The following CNTNAP2 variants were observed in gnomAD, a reference collection of about 807,000 sequenced individuals.
CNTNAP2 encodes the protein contactin-associated protein-like 2.
A neutral mutation model predicts 155.2 loss-of-function variants in CNTNAP2; 98 were observed. That is an observed-to-expected ratio of 0.63 (90% CI 0.54 to 0.75). The LOEUF (loss-of-function observed/expected upper bound fraction) is 0.75. Among genes scored for constraint, CNTNAP2 ranks in the 30% least tolerant of loss-of-function variants. The pLI is 0.00. For synonymous variants in CNTNAP2, 651 were observed against 631.2 expected, an observed-to-expected ratio of 1.03 and a Z score of -0.47; for missense variants, 1,727 against 1,688.1, an observed-to-expected ratio of 1.02 and a Z score of -0.40.
intron 3 of CNTNAP2, among the ~76,000 whole-genome samples, chr7:146,854,629 A>G (rs371460012): frequency 6.6e-6 from 1 of 152,172 alleles, no homozygotes; most frequent in South Asian, 2.1e-4. Context: ...TAAATTCAGC[A>G]TGATATAAGT....
chr7:146,616,953 T>C (rs1799235269), intron 1 of CNTNAP2, among the ~76,000 whole-genome samples: 1 of 152,214 alleles, frequency 6.6e-6, no homozygotes, highest in South Asian at 2.1e-4. Flanking sequence ...GAATCCTTTC[T>C]AGTTGGTTAT....
intron 11 of CNTNAP2, among the ~76,000 whole-genome samples, chr7:147,552,954 A>G (rs527261873): frequency 6.6e-6 from 1 of 152,330 alleles, no homozygotes; most frequent in African/African-American, 2.4e-5. Context: ...AGGATAGGAC[A>G]GTCAAGAGGC....
intron 20 of CNTNAP2, among the ~76,000 whole-genome samples, chr7:148,264,847 A>C (rs770741723): frequency 4.1e-4 from 62 of 152,238 alleles, no homozygotes; most frequent in Admixed American, 5.9e-4. Context: ...GGGGAGTGCC[A>C]CCACACCCAG....
At position 146,801,132 on chromosome 7, in the gene CNTNAP2, A is replaced by T. The variant is rs965675872; in HGVS notation, c.208+26751A>T. Among the ~76,000 whole-genome samples, 7 of 152,302 alleles carry T rather than the reference A, an allele frequency of 4.6e-5. No individual in the cohort carries two copies. In the South Asian group the frequency reaches 1.5e-3, roughly 32 times the overall value. On this transcript the variant is annotated intron_variant, in intron 2 of 23. Coordinates refer to ENST00000361727, the MANE Select transcript of CNTNAP2 (RefSeq NM_014141.6). The stretch of plus-strand genomic sequence containing the variant: ...GAGCCTTAGGAAGTCTTTACCCTTC[A>T]TGGAGGATGAAGGGGTGCAGGTACA...
At chr7:147,447,309 T>C (rs1474864908) in intron 10 of CNTNAP2, among the ~76,000 whole-genome samples, 2 of 152,216 alleles carry the variant, frequency 1.3e-5, no homozygotes, top group Admixed American at 6.5e-5. Flanking sequence ...TGTTTGTATA[T>C]AGATATGTAT....
At chr7:147,852,213 C>T (rs1038514137) in intron 13 of CNTNAP2, among the ~76,000 whole-genome samples, 16 of 152,164 alleles carry the variant, frequency 1.1e-4, no homozygotes, top group African/African-American at 3.1e-4. Context: ...AAGAAGATCT[C>T]GCCGCACTTA....
chr7:146,453,968 G>A (rs1323751700), intron 1 of CNTNAP2, among the ~76,000 whole-genome samples: 1 of 151,870 alleles, frequency 6.6e-6, no homozygotes, highest in Non-Finnish European at 1.5e-5. Context: ...AAGAAATGAG[G>A]AGTGAAAAAT....
At chr7:147,730,611 C>A (rs961374719) in intron 13 of CNTNAP2, among the ~76,000 whole-genome samples, 2 of 152,010 alleles carry the variant, frequency 1.3e-5, no homozygotes, top group African/African-American at 4.8e-5. Context: ...CTCCTCAAGA[C>A]CCCCTATTCC....
At chr7:147,241,122 G>A (rs962854722) in intron 8 of CNTNAP2, among the ~76,000 whole-genome samples, 3 of 152,150 alleles carry the variant, frequency 2.0e-5, no homozygotes, top group African/African-American at 7.2e-5. Context: ...GCATAGTTAG[G>A]ATCAGACGTT....
At chr7:148,201,022 C>T (rs955321679) in intron 18 of CNTNAP2, among the ~76,000 whole-genome samples, 1 of 152,282 alleles carries the variant, frequency 6.6e-6, no homozygotes, top group Middle Eastern at 3.4e-3. Context: ...TGCCTCAAGT[C>T]CTTGCACCAA....
chr7:147,548,753 G>A (rs1041203442), intron 11 of CNTNAP2, among the ~76,000 whole-genome samples: 39 of 152,214 alleles, frequency 2.6e-4, no homozygotes, highest in Admixed American at 2.0e-4. Flanking sequence ...TTAAATTTAA[G>A]TCTTTAGTCC....
At chr7:147,752,310 A>G (rs1020181698) in intron 13 of CNTNAP2, among the ~76,000 whole-genome samples, 12 of 93,814 alleles carry the variant, frequency 1.3e-4, no homozygotes, top group African/African-American at 5.1e-4. Context: ...GTAACCTTCA[A>G]GGTATTTTCC....
At chr7:146,215,676 C>T (rs1048409217) in intron 1 of CNTNAP2, among the ~76,000 whole-genome samples, 1 of 151,730 alleles carries the variant, frequency 6.6e-6, no homozygotes, top group African/African-American at 2.4e-5. Context: ...TGTTAAACTT[C>T]CTGTATGGAA....
intron 10 of CNTNAP2, among the ~76,000 whole-genome samples, chr7:147,484,386 C>T (rs1400526597): frequency 2.6e-5 from 4 of 151,036 alleles, no homozygotes; most frequent in African/African-American, 4.9e-5. Flanking sequence ...CCAAAATGTA[C>T]ATGATTCCTC....
At chr7:147,978,490 C>T (rs1801469381) in intron 15 of CNTNAP2, among the ~76,000 whole-genome samples, 1 of 152,032 alleles carries the variant, frequency 6.6e-6, no homozygotes, top group Non-Finnish European at 1.5e-5. Flanking sequence ...CCTTGTAAGC[C>T]AAAGATTGTT....
chr7:146,257,001 G>A (rs1420600585), intron 1 of CNTNAP2, among the ~76,000 whole-genome samples: 1 of 152,152 alleles, frequency 6.6e-6, no homozygotes, highest in Non-Finnish European at 1.5e-5. Context: ...ATGTTTCAAA[G>A]CATACATTTG....
chr7:147,556,878 A>ATACAATAG (rs1799961287), intron 11 of CNTNAP2, among the ~76,000 whole-genome samples: 1 of 152,224 alleles, frequency 6.6e-6, no homozygotes, highest in Admixed American at 6.5e-5. Flanking sequence ...GAGGAAACTC[A>ATACAATAG]TACAATAGTA....
intron 12 of CNTNAP2, among the ~76,000 whole-genome samples, chr7:147,627,049 C>T (rs75749417): frequency 3.5e-4 from 53 of 152,174 alleles, no homozygotes; most frequent in African/African-American, 1.2e-3. Flanking sequence ...GCTTGGTAAC[C>T]AGACCCAAAA....
intron 15 of CNTNAP2, among the ~76,000 whole-genome samples, chr7:148,068,787 A>G (rs1803318318): frequency 6.6e-6 from 1 of 152,192 alleles, no homozygotes; most frequent in Non-Finnish European, 1.5e-5. Context: ...CTGTGTGAGT[A>G]GGTTGTTCCC....
Sources: gnomAD v4.1 joint callset for allele counts (sites outside exome capture counted in the v4.1 genomes callset) on GRCh38, gnomAD v4.1.1 for gene constraint, MANE v1.5 for transcripts, NCBI Gene and HGNC (gene_info 2026-07-23, HGNC 2026-07-21) for gene names.